Variants in CRHBP observed in about 807,000 individuals in gnomAD.
CRHBP encodes the protein corticotropin releasing hormone binding protein, also known as corticotropin-releasing hormone-binding protein.
A neutral mutation model predicts 34.9 loss-of-function variants in CRHBP; 19 were observed. The observed-to-expected ratio is 0.55, with a 90% CI of 0.38 to 0.80. The LOEUF is 0.80. Ranked by LOEUF, CRHBP falls within the 30% of genes least tolerant of loss-of-function variation. CRHBP has a pLI of 0.00. For missense variants in CRHBP, 328 were observed against 409.2 expected (o/e 0.80, Z 1.71); for synonymous variants, 154 against 153.4 (o/e 1.00, Z -0.03).
chr5:76,953,494 C>T, intron 1 of CRHBP, 107 bp from the exon 2 acceptor site: 1 of 1,146,170 alleles, frequency 8.7e-7, no homozygotes, highest in South Asian at 1.3e-5. Context: ...CATTACCCCT[C>T]TCTCTTTATT....
At chr5:76,980,268 A>G (rs1746100490) in intron 3 of CRHBP, among the ~76,000 whole-genome samples, 1 of 148,600 alleles carries the variant, frequency 6.7e-6, no homozygotes, top group Non-Finnish European at 1.5e-5. Flanking sequence ...AAAAAAAAAA[A>G]AAAAAAAAAG....
chr5:76,962,582 C>T (rs1249381836), intron 5 of CRHBP, among the ~76,000 whole-genome samples: 2 of 149,340 alleles, frequency 1.3e-5, no homozygotes, highest in Admixed American at 6.7e-5. Context: ...AGTTCAAGAC[C>T]GGCCTGGGCA....
intron 4 of CRHBP, among the ~76,000 whole-genome samples, chr5:76,957,288 G>T (rs1745697554): frequency 6.6e-6 from 1 of 152,158 alleles, no homozygotes; most frequent in South Asian, 2.1e-4. Flanking sequence ...GGCAAGAGGT[G>T]TTTCTGATCT....
chr5:76,968,339 G>T (rs563034781), intron 6 of CRHBP, among the ~76,000 whole-genome samples: 10 of 151,998 alleles, frequency 6.6e-5, no homozygotes, highest in Non-Finnish European at 1.3e-4. Flanking sequence ...TCCTTAGAGG[G>T]CCGTACTGTT....
chr5:76,976,874 A>G (rs1165349139), intron 3 of CRHBP, among the ~76,000 whole-genome samples: 1 of 152,138 alleles, frequency 6.6e-6, no homozygotes, highest in Non-Finnish European at 1.5e-5. Flanking sequence ...TTTTCTTGAA[A>G]TGGCTTTACC....
At chr5:76,974,192 T>G (rs531183324), downstream of CRHBP, among the ~76,000 whole-genome samples, 17 of 151,944 alleles carry the variant, frequency 1.1e-4, no homozygotes, top group Non-Finnish European at 2.2e-4. Flanking sequence ...AATTTTTGTA[T>G]TTTTAGTAGA....
rs1745659926 is a variant in CRHBP, at chr5:76,955,831, C to T, written c.512C>T (p.Thr171Ile). ...GTCCATGAACCAGGAAATGGATTCA[C>T]ATTAACCATAAAGACAGACCCCAAC... ...FRVHEPGNGF[T>I]LTIKTDPNLF... The change falls in exon 4 of 7, where the codon ACA (threonine) becomes ATA (isoleucine). Residue 171 changes from threonine (T) to isoleucine (I), a missense_variant. This residue lies in a region of CRHBP where 144 missense variants were observed against 216.7 expected (regional missense o/e 0.66). Coordinates refer to ENST00000274368, the MANE Select transcript of CRHBP (RefSeq NM_001882.4). 3.7e-6 allele frequency: 6 copies of T among 1,614,202 alleles called. No homozygotes were observed. Among genetic ancestry groups the T allele is most frequent in the Non-Finnish European group, 5.1e-6 (6 of 1,180,032 alleles).
chr5:76,971,483 A>G (rs1465660836), downstream of CRHBP, among the ~76,000 whole-genome samples: 1 of 152,216 alleles, frequency 6.6e-6, no homozygotes, highest in East Asian at 1.9e-4. Context: ...AAGGATTTGC[A>G]CTAATTCAAT....
rs764439387 is a variant in CRHBP, at chr5:76,958,752, A to G, written c.556A>G (p.Ile186Val). 15 of 1,606,764 alleles carry G rather than the reference A, an allele frequency of 9.3e-6. No homozygotes were observed. The Admixed American group carries it at 1.9e-4, about 20-fold the overall frequency. Residue 186 changes from isoleucine to valine, a missense_variant, in exon 5 of 7, where the codon ATT becomes GTT. By Grantham distance (29) the Ile-to-Val change is conservative. Around this residue, in one of 3 missense-constraint regions of CRHBP, gnomAD observed 144 missense variants for 216.7 expected, o/e 0.66. Transcript: ENST00000274368. Reference sequence around the variant, plus strand: ...TCTTTTCTACAAAGCTTGCAATGTCATTTCTCAGACTCCAAATGGAAAGTT... The same window carrying G: ...TCTTTTCTACAAAGCTTGCAATGTCGTTTCTCAGACTCCAAATGGAAAGTT... ...TDPNLFPCNV[I>V]SQTPNGKFTL...
intron 3 of CRHBP, among the ~76,000 whole-genome samples, chr5:76,979,218 C>T (rs1746083030): frequency 6.6e-6 from 1 of 152,028 alleles, no homozygotes; most frequent in Admixed American, 6.6e-5. Context: ...GTTGCCCAGG[C>T]TGGAGTGTAG....
chr5:76,963,131 A>T, intron 5 of CRHBP: 1 of 519,444 alleles, frequency 1.9e-6, no homozygotes, highest in Non-Finnish European at 3.4e-6. Flanking sequence ...TTTCTAAAAA[A>T]AATGATTACT....
downstream of CRHBP, among the ~76,000 whole-genome samples, chr5:76,971,353 T>A (rs984592461): frequency 1.3e-5 from 2 of 152,222 alleles, no homozygotes; most frequent in African/African-American, 4.8e-5. Flanking sequence ...TTAGATATAT[T>A]TAAAGCTCAA....
chr5:76,961,534 G>T (rs1745774635), intron 5 of CRHBP, among the ~76,000 whole-genome samples: 1 of 152,128 alleles, frequency 6.6e-6, no homozygotes, highest in African/African-American at 2.4e-5. Flanking sequence ...ATGAAGCCCT[G>T]TATACAGTGG....
chr5:76,958,133 A>G (rs1417501715), intron 4 of CRHBP, among the ~76,000 whole-genome samples: 7 of 152,026 alleles, frequency 4.6e-5, no homozygotes. Context: ...CATTCTAGCC[A>G]GGGTGACAGA....
Position 76,953,456 on chromosome 5 carries a change from C to T in CRHBP, c.82-145C>T, listed in dbSNP as rs985915296. On this transcript the variant is annotated intron_variant, in intron 1 of 6. Coordinates refer to ENST00000274368, the MANE Select transcript of CRHBP (RefSeq NM_001882.4). Reference sequence around the variant, plus strand: ...TGGCCTGATGGAGAGGGTCTAAGACCTTCCCGTCTTCTCCGGACACGGGAA... The same window carrying T: ...TGGCCTGATGGAGAGGGTCTAAGACTTTCCCGTCTTCTCCGGACACGGGAA... The T allele has an allele frequency of 4.0e-5, 39 of 977,452 alleles. 1 individual carries two copies. Among genetic ancestry groups the T allele is most frequent in the Middle Eastern group, 2.1e-4 (1 of 4,870 alleles). The allele number at this position is 977,452 out of a possible 1,614,324, so 60.5% of individuals were successfully genotyped here.
At chr5:76,960,446 G>T (rs544193428) in intron 5 of CRHBP, among the ~76,000 whole-genome samples, 55 of 152,300 alleles carry the variant, frequency 3.6e-4, no homozygotes, top group African/African-American at 1.2e-3. Context: ...TTTAAGTGCA[G>T]TGGTAAACCA....
rs1745619612 is a variant in CRHBP at position 76,953,901 on chromosome 5, C to T, written c.176-128C>T. The T allele has an allele frequency of 5.5e-6, 7 of 1,282,320 alleles. No individual in the cohort carries two copies. The South Asian group carries it at 9.0e-5, about 17-fold the overall frequency. 79.4% of individuals were successfully genotyped at this position (1,282,320 alleles called of 1,614,324 possible). ...CCGGGGCGCAGGAACCCAGCGCAGCCTAGGCTGGAAGTCGGGGCGCTGGGC... is the reference window on the plus strand; with the variant it reads ...CCGGGGCGCAGGAACCCAGCGCAGCTTAGGCTGGAAGTCGGGGCGCTGGGC... On this transcript the variant is annotated intron_variant, in intron 2 of 6. Transcript: ENST00000274368.
At chr5:76,960,786 A>G (rs1038837997) in intron 5 of CRHBP, among the ~76,000 whole-genome samples, 2 of 150,338 alleles carry the variant, frequency 1.3e-5, no homozygotes, top group African/African-American at 4.9e-5. Context: ...TTTTTTTGAG[A>G]TGGAGTCTCG....
intron 2 of CRHBP, 91 bp downstream of exon 2, chr5:76,953,785 G>A: frequency 7.2e-7 from 1 of 1,383,022 alleles, no homozygotes; most frequent in South Asian, 1.3e-5. Context: ...ACATCTCGGG[G>A]AAGGGGCTGG....
Sources: gnomAD v4.1 joint callset for allele counts (sites outside exome capture counted in the v4.1 genomes callset) on GRCh38, gnomAD v4.1.1 for gene constraint, gnomAD v4.1.1 regional missense constraint, MANE v1.5 for transcripts, NCBI Gene and HGNC (gene_info 2026-07-23, HGNC 2026-07-21) for gene names.